Variants in RBFOX3 observed in about 807,000 individuals in gnomAD.
RBFOX3 encodes the protein RNA binding protein fox-1 homolog 3.
A neutral mutation model predicts 48.7 loss-of-function variants in RBFOX3; 17 were observed. That is an observed-to-expected ratio of 0.35 (90% CI 0.24 to 0.52). The LOEUF (loss-of-function observed/expected upper bound fraction) is 0.52. Ranked by LOEUF, RBFOX3 falls within the 20% of genes least tolerant of loss-of-function variation. The pLI is 0.94. For missense variants in RBFOX3, 382 were observed against 497.5 expected (o/e 0.77, Z 2.21); for synonymous variants, 212 against 209.5 (o/e 1.01, Z -0.10).
chr17:79,154,018 G>A (rs1415024396), intron 4 of RBFOX3, among the ~76,000 whole-genome samples: 2 of 152,134 alleles, frequency 1.3e-5, no homozygotes, highest in African/African-American at 2.4e-5. Context: ...ACACTGGACC[G>A]TGCCTCTCTG....
At chr17:79,449,585 A>G (rs1014567875) in intron 2 of RBFOX3, among the ~76,000 whole-genome samples, 2 of 148,776 alleles carry the variant, frequency 1.3e-5, no homozygotes, top group Non-Finnish European at 3.0e-5. Context: ...ATTATAGGTG[A>G]ATATACTGAT....
At chr17:79,132,219 A>C (rs1371832974) in intron 4 of RBFOX3, among the ~76,000 whole-genome samples, 1 of 126,122 alleles carries the variant, frequency 7.9e-6, no homozygotes, top group Admixed American at 9.8e-5. Flanking sequence ...CTGAGGTCAG[A>C]CTCAGGCACA....
chr17:79,422,912 T>C (rs2066690481), intron 2 of RBFOX3, among the ~76,000 whole-genome samples: 1 of 152,150 alleles, frequency 6.6e-6, no homozygotes, highest in African/African-American at 2.4e-5. Flanking sequence ...TTCCTCTCCC[T>C]GTCTCCCTCT....
intron 1 of RBFOX3, among the ~76,000 whole-genome samples, chr17:79,591,534 G>A (rs920297476): frequency 6.6e-6 from 1 of 152,218 alleles, no homozygotes; most frequent in Admixed American, 6.5e-5. Context: ...CAGCGCCAAA[G>A]GTCCCAGCAG....
At chr17:79,636,560 G>A in the RBFOX3 span, among the ~76,000 whole-genome samples, 2 of 151,768 alleles carry the variant, frequency 1.3e-5, no homozygotes, top group South Asian at 2.1e-4. Context: ...AACTTCAATC[G>A]CATACAAAAC....
At chr17:79,487,911 C>CAAAAA (rs1384437696) in intron 1 of RBFOX3, among the ~76,000 whole-genome samples, 3 of 6,430 alleles carry the variant, frequency 4.7e-4, no homozygotes, top group African/African-American at 6.7e-4. Flanking sequence ...GACCCCATCT[C>CAAAAA]AGAAAAAAAA....
At chr17:79,090,992 C>T (rs904142967) in intron 14 of RBFOX3, 107 bp from the exon 15 acceptor site, 16 of 1,109,124 alleles carry the variant, frequency 1.4e-5, no homozygotes, top group East Asian at 7.8e-5. Flanking sequence ...AAAGTCCTGG[C>T]GCCGCCACAC....
chr17:79,211,538 CAG>C (rs2058379676), intron 4 of RBFOX3, among the ~76,000 whole-genome samples: 1 of 152,196 alleles, frequency 6.6e-6, no homozygotes, highest in African/African-American at 2.4e-5. Flanking sequence ...GTGCAGTTAA[CAG>C]GGATAGGGGC....
chr17:79,392,547 C>T lies in RBFOX3; in HGVS notation c.-174-84723G>A, dbSNP rs2061488943. ...GCCACGGGGAGCTGCCCTTCCCACC[C>T]ACTTAAGTTAGGCACCATCCCGTGA... On this transcript the variant is annotated intron_variant, in intron 2 of 14. Coordinates refer to ENST00000693108, the MANE Select transcript of RBFOX3 (RefSeq NM_001350451.2). This position sits in a 1 kb window ranked among gnomAD's most constrained non-coding sequence, Gnocchi z 5.0. 6.6e-6 allele frequency among the ~76,000 whole-genome samples: 1 copy of T among 152,194 alleles called. No individual in the cohort carries two copies. The highest frequency in any genetic ancestry group is 2.1e-4 in the South Asian group (1 of 4,830).
chr17:79,626,946 A>G, the RBFOX3 span, among the ~76,000 whole-genome samples: 1 of 152,246 alleles, frequency 6.6e-6, no homozygotes, highest in Non-Finnish European at 1.5e-5. Context: ...TGTATGTCTT[A>G]ACGGAAACAC....
chr17:79,164,073 T>C (rs2047509590), intron 4 of RBFOX3, among the ~76,000 whole-genome samples: 1 of 152,160 alleles, frequency 6.6e-6, no homozygotes, highest in African/African-American at 2.4e-5. Flanking sequence ...CCAGGAATCC[T>C]TCTGTACCAG....
upstream of RBFOX3, among the ~76,000 whole-genome samples, chr17:79,612,926 C>T (rs1270673921): frequency 6.6e-6 from 1 of 152,166 alleles, no homozygotes; most frequent in Non-Finnish European, 1.5e-5. Flanking sequence ...ATTTCTTCTC[C>T]CTGGGGAGCC....
intron 2 of RBFOX3, among the ~76,000 whole-genome samples, chr17:79,389,015 G>A (rs1266348372): frequency 2.0e-5 from 3 of 152,172 alleles, no homozygotes; most frequent in Non-Finnish European, 4.4e-5. Flanking sequence ...GGGAGACGTG[G>A]CCCCACCAAT....
At position 79,110,130 on chromosome 17, in the gene RBFOX3, CAAAA is replaced by C. The variant is rs34151285; in HGVS notation, c.223-3346_223-3343del. ...TCTCAGGGGCTTTCTTTCCCCCACT[CAAAA>C]AAAAAAAAAAAAGCCGTCTTTGCTT... is the stretch of plus-strand genomic sequence containing the variant. On this transcript the variant is annotated intron_variant, in intron 5 of 14. Coordinates refer to ENST00000693108, the MANE Select transcript of RBFOX3 (RefSeq NM_001350451.2). Among the ~76,000 whole-genome samples, 18 of 132,340 alleles carry C rather than the reference CAAAA, an allele frequency of 1.4e-4. No individual in the cohort carries two copies. In the Middle Eastern group the frequency reaches 0.012, roughly 87 times the overall value. The allele number at this position is 132,340 out of a possible 152,430, so 86.8% of individuals were successfully genotyped here.
intron 4 of RBFOX3, among the ~76,000 whole-genome samples, chr17:79,132,008 C>G (rs948039055): frequency 1.3e-5 from 2 of 152,200 alleles, no homozygotes; most frequent in Non-Finnish European, 2.9e-5. Context: ...CTTCTCCCAC[C>G]AGCTTCACCT....
chr17:79,163,218 G>C (rs1162059165), intron 4 of RBFOX3, among the ~76,000 whole-genome samples: 2 of 152,200 alleles, frequency 1.3e-5, no homozygotes, highest in Non-Finnish European at 2.9e-5. Flanking sequence ...TCCCTCCTTG[G>C]GGCCGGGCAG....
At chr17:79,487,590 T>C (rs2079821622) in intron 1 of RBFOX3, among the ~76,000 whole-genome samples, 1 of 151,220 alleles carries the variant, frequency 6.6e-6, no homozygotes, top group African/African-American at 2.4e-5. Context: ...TTTGGTGAAA[T>C]GAATGCTGCA....
chr17:79,496,478 C>G (rs2081557984), intron 1 of RBFOX3, among the ~76,000 whole-genome samples: 1 of 152,194 alleles, frequency 6.6e-6, no homozygotes, highest in Non-Finnish European at 1.5e-5. Flanking sequence ...CACTAGCCAG[C>G]AACTGCAACA....
intron 1 of RBFOX3, among the ~76,000 whole-genome samples, chr17:79,497,177 T>A (rs2081660038): frequency 2.6e-5 from 4 of 152,170 alleles, no homozygotes; most frequent in Admixed American, 2.0e-4. Flanking sequence ...TCAAGGAACT[T>A]TCCTGGGAGC....
Sources: gnomAD v4.1 joint callset for allele counts (sites outside exome capture counted in the v4.1 genomes callset) on GRCh38, gnomAD v4.1.1 for gene constraint, Gnocchi (gnomAD v3.1) non-coding constraint, MANE v1.5 for transcripts, NCBI Gene and HGNC (gene_info 2026-07-23, HGNC 2026-07-21) for gene names.